TGS1: variants seen among roughly 807,000 people sequenced by gnomAD.
TGS1 encodes the protein trimethylguanosine synthase.
Under a neutral mutation model 92.2 loss-of-function variants are expected in TGS1, and 69 were observed. The ratio of observed to expected loss-of-function variants is 0.75; its 90% CI spans 0.62 to 0.91. The LOEUF (loss-of-function observed/expected upper bound fraction) is 0.91, where lower values mean the gene tolerates loss of function less well. Among genes scored for constraint, TGS1 ranks in the 40% least tolerant of loss-of-function variants. TGS1 has a pLI of 0.00. For synonymous variants in TGS1, 345 were observed against 338.1 expected (o/e 1.02, Z -0.22); for missense variants, 1,062 against 1,001.2 (o/e 1.06, Z -0.82).
At chr8:55,810,110 A>G (rs1424452357) in intron 10 of TGS1, among the ~76,000 whole-genome samples, 2 of 152,262 alleles carry the variant, frequency 1.3e-5, no homozygotes. Context: ...CATTTTCTGG[A>G]AAACAATTTC....
At chr8:55,814,673 AAAT>A (rs1169027093) in intron 12 of TGS1, among the ~76,000 whole-genome samples, 45 of 134,556 alleles carry the variant, frequency 3.3e-4, no homozygotes, top group Middle Eastern at 3.8e-3. Flanking sequence ...AAAAAAAAAA[AAAT>A]ATATATATAT....
At chr8:55,802,021 C>T (rs1055270253) in intron 8 of TGS1, among the ~76,000 whole-genome samples, 5 of 152,102 alleles carry the variant, frequency 3.3e-5, no homozygotes, top group Non-Finnish European at 5.9e-5. Context: ...GGTGAAACCC[C>T]GTCTCTACTA....
At chr8:55,787,320 A>G (rs149772005) in intron 4 of TGS1, among the ~76,000 whole-genome samples, 2 of 152,340 alleles carry the variant, frequency 1.3e-5, no homozygotes, top group East Asian at 3.9e-4. Context: ...GAATCTCTTG[A>G]GAAATCTAAT....
At position 55,824,987 on chromosome 8, in the gene TGS1, T is replaced by C; in HGVS notation, c.*284T>C. The C allele has an allele frequency of 3.7e-6, 1 of 270,406 alleles. No individual in the cohort carries two copies. 16.8% of individuals were successfully genotyped at this position (270,406 alleles called of 1,614,324 possible). A position where few individuals can be genotyped will look rare whatever the true frequency, so the allele number is the denominator to read the frequency against. The stretch of plus-strand genomic sequence containing the variant: ...CCCAGGCTGGAGTGCAGTGCCATGA[T>C]CACAGCTCACTGCAGGTTCAGCCTT... On this transcript the variant is annotated 3_prime_UTR_variant, in exon 13 of 13. Coordinates refer to ENST00000260129, the MANE Select transcript of TGS1 (RefSeq NM_024831.8).
intron 12 of TGS1, among the ~76,000 whole-genome samples, chr8:55,815,085 G>C (rs1027665386): frequency 2.0e-5 from 3 of 152,108 alleles, no homozygotes; most frequent in Non-Finnish European, 4.4e-5. Flanking sequence ...AGCCTCATTT[G>C]AGTACTTGAA....
chr8:55,817,578 A>G (rs992165453), intron 12 of TGS1, among the ~76,000 whole-genome samples: 3 of 152,222 alleles, frequency 2.0e-5, no homozygotes, highest in Admixed American at 1.3e-4. Flanking sequence ...TATTTAATAA[A>G]TAGAAGATTG....
At chr8:55,819,423 A>G (rs1379987522) in intron 12 of TGS1, among the ~76,000 whole-genome samples, 2 of 150,868 alleles carry the variant, frequency 1.3e-5, no homozygotes, top group Admixed American at 6.6e-5. Context: ...CAGCCTCCCA[A>G]GTAGCTGGGA....
At chr8:55,775,603 G>A (rs1202040327) in intron 1 of TGS1, among the ~76,000 whole-genome samples, 1 of 152,182 alleles carries the variant, frequency 6.6e-6, no homozygotes, top group Non-Finnish European at 1.5e-5. Flanking sequence ...GGAGAATCAT[G>A]AATTTTATTT....
intron 5 of TGS1, among the ~76,000 whole-genome samples, 162 bp downstream of exon 5, chr8:55,790,461 G>C (rs1167494225): frequency 6.6e-6 from 1 of 151,780 alleles, no homozygotes; most frequent in African/African-American, 2.4e-5. Flanking sequence ...CTGGACCTGT[G>C]GTTAAGGCCG....
At chr8:55,816,063 C>T (rs1289574807) in intron 12 of TGS1, among the ~76,000 whole-genome samples, 1 of 152,052 alleles carries the variant, frequency 6.6e-6, no homozygotes, top group Non-Finnish European at 1.5e-5. Context: ...AAGTGATCCT[C>T]CTGCCTCAGC....
At chr8:55,803,848 T>C (rs994540095) in intron 9 of TGS1, among the ~76,000 whole-genome samples, 2 of 152,048 alleles carry the variant, frequency 1.3e-5, no homozygotes, top group Non-Finnish European at 2.9e-5. Flanking sequence ...AGCACTACCA[T>C]GCTTGGCTAA....
At chr8:55,785,298 C>T (rs1447854334) in intron 2 of TGS1, among the ~76,000 whole-genome samples, 4 of 152,046 alleles carry the variant, frequency 2.6e-5, no homozygotes, top group East Asian at 1.9e-4. Context: ...TCAAGTGATC[C>T]GCCTGCCTCA....
intron 5 of TGS1, among the ~76,000 whole-genome samples, chr8:55,792,364 G>A (rs116737558): frequency 0.026 from 3,980 of 152,166 alleles, 182 homozygotes; most frequent in African/African-American, 0.09. Context: ...AATCACTTTA[G>A]GAGATTAATT....
In TGS1 at chr8:55,825,786, G is replaced by A. The variant is rs190455036; in HGVS notation, c.*1083G>A. Among the ~76,000 whole-genome samples, 5 of 152,174 alleles carry A rather than the reference G, an allele frequency of 3.3e-5. No individual in the cohort carries two copies. The highest frequency in any genetic ancestry group is 3.3e-4 in the Admixed American group (5 of 15,262). ...TCTGCAGTACAGTAGCAACTGAGCT[G>A]ATCAATAAAGGTGAAATTACTTTTT... On this transcript the variant is annotated 3_prime_UTR_variant, in exon 13 of 13. Coordinates refer to ENST00000260129, the MANE Select transcript of TGS1 (RefSeq NM_024831.8).
At position 55,799,457 on chromosome 8, in the gene TGS1, G is replaced by A. The variant is rs184053206; in HGVS notation, c.1849+237G>A. On this transcript the variant is annotated intron_variant, in intron 8 of 12. Coordinates refer to ENST00000260129, the MANE Select transcript of TGS1 (RefSeq NM_024831.8). ...ATCAAGTAGAAAAGGAAAGACTGTTGGGAGCATTGTGTCTGCAGACCACTG... is the reference window on the plus strand; with the variant it reads ...ATCAAGTAGAAAAGGAAAGACTGTTAGGAGCATTGTGTCTGCAGACCACTG... 3.1e-3 allele frequency among the ~76,000 whole-genome samples: 470 copies of A among 152,258 alleles called. 5 individuals carry two copies. Among genetic ancestry groups the A allele is most frequent in the African/African-American group, 0.01 (418 of 41,542 alleles).
At chr8:55,794,350 C>T (rs1361328615) in intron 6 of TGS1, among the ~76,000 whole-genome samples, 1 of 152,156 alleles carries the variant, frequency 6.6e-6, no homozygotes, top group Non-Finnish European at 1.5e-5. Flanking sequence ...GCCACCACGC[C>T]CAGTCCATTT....
At chr8:55,812,011 C>T (rs1198926800) in intron 11 of TGS1, among the ~76,000 whole-genome samples, 1 of 152,028 alleles carries the variant, frequency 6.6e-6, no homozygotes, top group African/African-American at 2.4e-5. Flanking sequence ...AAAAAGTATC[C>T]CTGGAGTTTG....
chr8:55,825,888 T>A lies in TGS1; in HGVS notation c.*1185T>A, dbSNP rs1243673406. Among the ~76,000 whole-genome samples the A allele has an allele frequency of 6.7e-6, 1 of 148,370 alleles. No homozygotes were observed. Among genetic ancestry groups the A allele is most frequent in the Non-Finnish European group, 1.5e-5 (1 of 66,020 alleles). On this transcript the variant is annotated 3_prime_UTR_variant, in exon 13 of 13. Coordinates refer to ENST00000260129, the MANE Select transcript of TGS1 (RefSeq NM_024831.8). ...TATGTAGCATTCTTTTTTTTTTTTT[T>A]AGACAGAGTCTTGCTCTGTCGCCCA...
intron 2 of TGS1, among the ~76,000 whole-genome samples, chr8:55,783,918 C>T: frequency 6.6e-6 from 1 of 152,182 alleles, no homozygotes; most frequent in East Asian, 1.9e-4. Context: ...GAACATAAAA[C>T]TTAGCTTACT....
Sources: allele counts gnomAD v4.1 joint callset (sites outside exome capture counted in the v4.1 genomes callset), GRCh38; gene constraint gnomAD v4.1.1; transcripts MANE v1.5; gene names NCBI Gene and HGNC (gene_info 2026-07-23, HGNC 2026-07-21).